Variants in MDGA2 observed in about 807,000 individuals in gnomAD.
The protein encoded by MDGA2 is MAM domain containing glycosylphosphatidylinositol anchor 2.
A neutral mutation model predicts 117.8 loss-of-function variants in MDGA2; 40 were observed. The ratio of observed to expected loss-of-function variants is 0.34; its 90% CI spans 0.26 to 0.44. The LOEUF is 0.44. MDGA2 is among the 20% of genes least tolerant of loss of function. MDGA2 has a pLI of 1.00. For missense variants in MDGA2, 1,123 were observed against 1,250.6 expected (o/e 0.90, Z 1.54); for synonymous variants, 452 against 439.0 (o/e 1.03, Z -0.37).
intron 1 of MDGA2, among the ~76,000 whole-genome samples, chr14:47,336,113 C>A (rs1286241097): frequency 6.6e-6 from 1 of 151,806 alleles, no homozygotes; most frequent in African/African-American, 2.4e-5. Flanking sequence ...GCCCCTAACT[C>A]ATACAAGAAA....
chr14:47,638,296 G>T (rs1160229713), intron 1 of MDGA2, among the ~76,000 whole-genome samples: 1 of 152,062 alleles, frequency 6.6e-6, no homozygotes, highest in African/African-American at 2.4e-5. Context: ...AGAATTCAGG[G>T]GAAGATAATA....
intron 8 of MDGA2, among the ~76,000 whole-genome samples, chr14:47,003,460 T>C (rs1420336216): frequency 6.6e-6 from 1 of 152,074 alleles, no homozygotes; most frequent in Non-Finnish European, 1.5e-5. Context: ...CGCCTATTCA[T>C]ACCCTCCAGG....
At chr14:47,588,249 TATATATATATATACACAC>T (rs1896367214) in intron 1 of MDGA2, among the ~76,000 whole-genome samples, 1 of 127,084 alleles carries the variant, frequency 7.9e-6, no homozygotes, top group Non-Finnish European at 1.7e-5. Flanking sequence ...TATATATATA[TATATATATATATACACAC>T]ACACACACAC....
At chr14:47,525,542 G>A (rs137947989) in intron 1 of MDGA2, among the ~76,000 whole-genome samples, 3 of 152,014 alleles carry the variant, frequency 2.0e-5, no homozygotes, top group East Asian at 1.9e-4. Context: ...AAAATTATCC[G>A]GGCGTGGTGG....
chr14:47,316,225 T>C (rs1308806231), intron 1 of MDGA2, among the ~76,000 whole-genome samples: 5 of 152,092 alleles, frequency 3.3e-5, no homozygotes, highest in Non-Finnish European at 7.4e-5. Context: ...TTAGTTTTTG[T>C]TGAGAGTCTG....
rs151296071 is a variant in MDGA2, at chr14:47,314,766, T to C, written c.281-13216A>G. ...AAAGTGGTTTTATTTTTTAAATGAT[T>C]GGTAAAATTATAAATATCAAGCCAT... On this transcript the variant is annotated intron_variant, in intron 1 of 16. Transcript: ENST00000399232. Among the ~76,000 whole-genome samples the C allele has an allele frequency of 1.5e-4, 23 of 152,180 alleles. No homozygotes were observed. The East Asian group carries it at 2.3e-3, about 15-fold the overall frequency.
chr14:46,960,220 C>CA (rs908905897), intron 8 of MDGA2, among the ~76,000 whole-genome samples: 12 of 147,366 alleles, frequency 8.1e-5, no homozygotes, highest in South Asian at 2.1e-4. Flanking sequence ...GACTCTGCCT[C>CA]AAAAAAAAAA....
intron 2 of MDGA2, among the ~76,000 whole-genome samples, chr14:47,295,243 C>T (rs72682166): frequency 0.091 from 13,876 of 152,030 alleles, 781 homozygotes; most frequent in Non-Finnish European, 0.11. Flanking sequence ...TATTTTTGAA[C>T]GGAGAAGGTC....
chr14:47,311,290 C>T (rs148952241), intron 1 of MDGA2, among the ~76,000 whole-genome samples: 2 of 152,124 alleles, frequency 1.3e-5, no homozygotes, highest in Non-Finnish European at 2.9e-5. Context: ...GTTATTTCTT[C>T]CAGCCTAACT....
intron 1 of MDGA2, among the ~76,000 whole-genome samples, chr14:47,590,327 G>A (rs1328245323): frequency 6.6e-6 from 1 of 151,754 alleles, no homozygotes; most frequent in African/African-American, 2.4e-5. Context: ...AGACATTTCA[G>A]GAGATGTAGT....
At chr14:47,083,600 A>C (rs992848665) in intron 6 of MDGA2, among the ~76,000 whole-genome samples, 91 of 152,064 alleles carry the variant, frequency 6.0e-4, no homozygotes, top group African/African-American at 2.0e-3. Flanking sequence ...AATTATATTC[A>C]GTGTAAATTA....
chr14:47,568,119 G>A (rs962164718), intron 1 of MDGA2, among the ~76,000 whole-genome samples: 4 of 152,038 alleles, frequency 2.6e-5, no homozygotes, highest in African/African-American at 9.7e-5. Flanking sequence ...GACACAGCGA[G>A]GTTATTAAAG....
chr14:47,573,650 C>T (rs530008934), intron 1 of MDGA2, among the ~76,000 whole-genome samples: 2 of 152,094 alleles, frequency 1.3e-5, no homozygotes, highest in Non-Finnish European at 2.9e-5. Context: ...GATAAAGCAC[C>T]AAGTGGTATT....
intron 1 of MDGA2, among the ~76,000 whole-genome samples, chr14:47,459,737 C>G (rs1893444103): frequency 1.3e-5 from 2 of 151,954 alleles, no homozygotes; most frequent in African/African-American, 2.4e-5. Context: ...TTTCATTATT[C>G]TCTGTCTCAA....
At chr14:47,604,489 C>CA (rs1475363340) in intron 1 of MDGA2, among the ~76,000 whole-genome samples, 2 of 122,892 alleles carry the variant, frequency 1.6e-5, no homozygotes, top group African/African-American at 3.7e-5. Flanking sequence ...GCTTCCCCAC[C>CA]CCCCCCCACC....
intron 9 of MDGA2, among the ~76,000 whole-genome samples, chr14:46,938,837 A>G (rs1243012690): frequency 1.3e-5 from 2 of 152,222 alleles, no homozygotes; most frequent in African/African-American, 4.8e-5. Context: ...TACTATTCAC[A>G]ATAGTCAGAA....
At chr14:47,332,345 T>C (rs1890316592) in intron 1 of MDGA2, among the ~76,000 whole-genome samples, 1 of 151,988 alleles carries the variant, frequency 6.6e-6, no homozygotes, top group South Asian at 2.1e-4. Context: ...AACAGCATGT[T>C]AGCACAACAT....
At chr14:46,865,217 A>G (rs1881701029) in intron 14 of MDGA2, among the ~76,000 whole-genome samples, 1 of 152,110 alleles carries the variant, frequency 6.6e-6, no homozygotes, top group Non-Finnish European at 1.5e-5. Context: ...TTAAGTTCCT[A>G]GTTTAAAATC....
At chr14:47,377,168 G>T (rs1016463262) in intron 1 of MDGA2, among the ~76,000 whole-genome samples, 4 of 152,006 alleles carry the variant, frequency 2.6e-5, no homozygotes, top group African/African-American at 7.2e-5. Context: ...TGAAATTTAG[G>T]GTATAATCCA....
Sources: allele counts gnomAD v4.1 joint callset (sites outside exome capture counted in the v4.1 genomes callset), GRCh38; gene constraint gnomAD v4.1.1; transcripts MANE v1.5; gene names NCBI Gene and HGNC (gene_info 2026-07-23, HGNC 2026-07-21).